Variants in UNK observed in about 807,000 individuals in gnomAD.
UNK encodes the protein unk zinc finger.
In UNK, 32 loss-of-function variants were observed where a neutral mutation model predicts 97.6. The observed-to-expected ratio is 0.33, with a 90% CI of 0.25 to 0.44. The LOEUF (loss-of-function observed/expected upper bound fraction) is 0.44. Ranked by LOEUF, UNK falls within the 20% of genes least tolerant of loss-of-function variation. The probability of loss-of-function intolerance (pLI) is 1.00; values close to 1 mark genes in which losing one functional copy is unlikely to be tolerated. For synonymous variants in UNK, 441 were observed against 461.2 expected, an observed-to-expected ratio of 0.96 and a Z score of 0.56; for missense variants, 771 against 1,098.4, an observed-to-expected ratio of 0.70 and a Z score of 4.21.
chr17:75,801,794 C>A (rs538157822), intron 1 of UNK, among the ~76,000 whole-genome samples: 6 of 151,324 alleles, frequency 4.0e-5, no homozygotes, highest in Non-Finnish European at 7.4e-5. Context: ...CCACCCGTCT[C>A]AGCCTCGCAA....
chr17:75,824,123 C>T lies in UNK; in HGVS notation c.2278-139C>T. ...CTCAGCCTGCTCTCTCACCTGCCAACAGGGGTCTGGGAGCACACTGTTGAG... is the reference window on the plus strand; with the variant it reads ...CTCAGCCTGCTCTCTCACCTGCCAATAGGGGTCTGGGAGCACACTGTTGAG... On this transcript the variant is annotated intron_variant, in intron 15 of 15. Transcript: ENST00000589666. The surrounding 1 kb of genome is among the most constrained non-coding windows in gnomAD (Gnocchi z 4.9). 2 of 1,078,142 alleles carry T rather than the reference C, an allele frequency of 1.9e-6. No homozygotes were observed. Among genetic ancestry groups the T allele is most frequent in the East Asian group, 6.4e-5 (2 of 31,242 alleles). The allele number at this position is 1,078,142 out of a possible 1,614,324, so 66.8% of individuals were successfully genotyped here. A position where few individuals can be genotyped will look rare whatever the true frequency, so the allele number is the denominator to read the frequency against.
chr17:75,820,732 CTT>C (rs369212029), intron 13 of UNK, among the ~76,000 whole-genome samples: 149 of 152,288 alleles, frequency 9.8e-4, no homozygotes, highest in African/African-American at 2.4e-3. Flanking sequence ...TGCATCTCCT[CTT>C]GTGTGTGTCA....
At chr17:75,790,394 G>A (rs1405407960) in intron 1 of UNK, among the ~76,000 whole-genome samples, 1 of 152,140 alleles carries the variant, frequency 6.6e-6, no homozygotes, top group African/African-American at 2.4e-5. Context: ...TCGTTGGGAA[G>A]CTGAGGCAGG....
Position 75,819,743 on chromosome 17 carries a change from T to G in UNK, c.1606T>G (p.Phe536Val), listed in dbSNP as rs750686560. The change falls in exon 12 of 16, where the codon TTC becomes GTC. Residue 536 changes from phenylalanine (F) to valine (V), a missense_variant. Phe to Val is a conservative substitution (Grantham distance 50). Transcript: ENST00000589666. This position sits in a 1 kb window ranked among gnomAD's most constrained non-coding sequence, Gnocchi z 5.4. ...TGGCGTGGCCGCCCTGGAGAAGACT[T>G]TCGATAACAGCACAGTGCCCCACCC... is the stretch of plus-strand genomic sequence containing the variant. ...EFGVAALEKTFDNSTVPHPGS... is the reference protein window; with the variant it reads ...EFGVAALEKTVDNSTVPHPGS... The G allele has an allele frequency of 6.2e-7, 1 of 1,613,864 alleles. No individual in the cohort carries two copies. Among genetic ancestry groups the G allele is most frequent in the South Asian group, 1.1e-5 (1 of 91,090 alleles).
intron 1 of UNK, among the ~76,000 whole-genome samples, chr17:75,808,749 C>T (rs148798550): frequency 4.0e-4 from 61 of 152,170 alleles, no homozygotes; most frequent in African/African-American, 1.3e-3. Context: ...TTTTTAGGCT[C>T]GAGAGACTAA....
In UNK at chr17:75,784,955, G is replaced by A; in HGVS notation, c.75G>A (p.Gln25=). ...APPAATAQVL[Q]AQPEKPQHYT... ...CGGCCGCTACCGCTCAGGTGCTGCA[G>A]GCACAGCCCGAGAAACCGCAGCACT... The change falls in exon 1 of 16, where the codon CAG becomes CAA. Residue 25 remains glutamine (Q), a synonymous_variant. Coordinates refer to ENST00000589666, the MANE Select transcript of UNK (RefSeq NM_001080419.3). 1 of 1,532,948 alleles carries A rather than the reference G, an allele frequency of 6.5e-7. No homozygotes were observed. The highest frequency in any genetic ancestry group is 8.7e-7 in the Non-Finnish European group (1 of 1,143,262). The allele number at this position is 1,532,948 out of a possible 1,614,324, so 95.0% of individuals were successfully genotyped here.
chr17:75,808,084 T>C (rs59463743), intron 1 of UNK, among the ~76,000 whole-genome samples: 1 of 152,328 alleles, frequency 6.6e-6, no homozygotes, highest in African/African-American at 2.4e-5. Context: ...GGAAAGTTCC[T>C]TCTCTCCCAT....
rs749827672 is a variant in UNK, at chr17:75,809,949, C to T, written c.294C>T (p.Gly98=). ...GCACCAAGTACGACGAGGCTACAGGCCTCTGCCCGGAGGGCGACGAGTGAG... is the reference window on the plus strand; with the variant it reads ...GCACCAAGTACGACGAGGCTACAGGTCTCTGCCCGGAGGGCGACGAGTGAG... ...VYCTKYDEAT[G]LCPEGDECPF... is the part of the protein sequence containing the mutation. The change falls in exon 2 of 16, where the codon GGC becomes GGT. Residue 98 remains glycine (G), a synonymous_variant. Coordinates refer to ENST00000589666, the MANE Select transcript of UNK (RefSeq NM_001080419.3). 3.6e-5 allele frequency: 58 copies of T among 1,613,514 alleles called. No individual in the cohort carries two copies. The highest frequency in any genetic ancestry group is 4.8e-5 in the Non-Finnish European group (57 of 1,179,910).
At chr17:75,822,024 C>T (rs1417218777) in intron 13 of UNK, among the ~76,000 whole-genome samples, 1 of 152,242 alleles carries the variant, frequency 6.6e-6, no homozygotes. Flanking sequence ...CCCAGCTCTG[C>T]CATCCGATGA....
intron 1 of UNK, among the ~76,000 whole-genome samples, chr17:75,788,964 A>G (rs538722331): frequency 6.6e-6 from 1 of 152,380 alleles, no homozygotes; most frequent in African/African-American, 2.4e-5. Context: ...AGTTGAATAC[A>G]CTAAAAGCAA....
chr17:75,798,001 C>T (rs968910855), intron 1 of UNK, among the ~76,000 whole-genome samples: 3 of 150,888 alleles, frequency 2.0e-5, no homozygotes, highest in Non-Finnish European at 4.4e-5. Flanking sequence ...AGATTATAAA[C>T]AAACAAAACA....
At chr17:75,821,914 A>G (rs1004078521) in intron 13 of UNK, 1 of 343,040 alleles carries the variant, frequency 2.9e-6, no homozygotes, top group African/African-American at 2.2e-5. Context: ...TCCTGGCCCT[A>G]CCACTTACAA....
chr17:75,817,403 A>G lies in UNK; in HGVS notation c.1182A>G (p.Pro394=), dbSNP rs372747953. ...CACCGGGCTCCATCAGGAAGCCCCC[A>G]AACCTGGAGGGCATCGTCTTCCCTG... ...GSPPGSIRKP[P]NLEGIVFPGE... is the part of the protein sequence containing the mutation. The change falls in exon 9 of 16, where the codon CCA becomes CCG. Residue 394 remains proline (P), a synonymous_variant. Coordinates refer to ENST00000589666, the MANE Select transcript of UNK (RefSeq NM_001080419.3). This position sits in a 1 kb window ranked among gnomAD's most constrained non-coding sequence, Gnocchi z 5.8. 1.2e-6 allele frequency: 2 copies of G among 1,612,398 alleles called. No individual in the cohort carries two copies. Among genetic ancestry groups the G allele is most frequent in the African/African-American group, 2.7e-5 (2 of 74,900 alleles).
At chr17:75,821,682 C>T (rs2062069624) in intron 13 of UNK, 2 of 456,564 alleles carry the variant, frequency 4.4e-6, no homozygotes, top group African/African-American at 2.0e-5. Flanking sequence ...AGGAAGAAGT[C>T]ACCAGAAAGT....
intron 14 of UNK, among the ~76,000 whole-genome samples, 185 bp from the exon 15 acceptor site, chr17:75,823,078 GGA>G (rs1413973802): frequency 6.6e-6 from 1 of 152,178 alleles, no homozygotes; most frequent in Admixed American, 6.5e-5. Context: ...GCCACAGAGG[GGA>G]GAGTCTCCTG....
intron 1 of UNK, among the ~76,000 whole-genome samples, chr17:75,789,958 T>C (rs1396412329): frequency 1.3e-5 from 2 of 149,052 alleles, no homozygotes; most frequent in Non-Finnish European, 3.0e-5. Flanking sequence ...CTGGCCAACG[T>C]GGTAAAACCC....
In UNK at chr17:75,819,082, T is replaced by G; in HGVS notation, c.1546+266T>G. The G allele has an allele frequency of 2.5e-6, 1 of 406,408 alleles. No individual in the cohort carries two copies. Among genetic ancestry groups the G allele is most frequent in the Non-Finnish European group, 4.4e-6 (1 of 229,836 alleles). 25.2% of individuals were successfully genotyped at this position (406,408 alleles called of 1,614,324 possible). On this transcript the variant is annotated intron_variant, in intron 11 of 15. Coordinates refer to ENST00000589666, the MANE Select transcript of UNK (RefSeq NM_001080419.3). This position sits in a 1 kb window ranked among gnomAD's most constrained non-coding sequence, Gnocchi z 5.4. Reference sequence around the variant, plus strand: ...GAGTACAGTCTCACCCCAAGACGTGTTGTTCAGTCCCCACTCATCTCACTG... The same window carrying G: ...GAGTACAGTCTCACCCCAAGACGTGGTGTTCAGTCCCCACTCATCTCACTG...
intron 1 of UNK, among the ~76,000 whole-genome samples, chr17:75,803,073 C>T (rs1024061344): frequency 1.5e-4 from 9 of 58,272 alleles, no homozygotes; most frequent in Admixed American, 2.6e-4. Context: ...CCACCCTGGC[C>T]AACATGGTGA....
chr17:75,805,218 A>G (rs1486648576), intron 1 of UNK, among the ~76,000 whole-genome samples: 1 of 151,502 alleles, frequency 6.6e-6, no homozygotes, highest in Non-Finnish European at 1.5e-5. Context: ...GAGCCTTGGC[A>G]ACACAGTGAA....
Sources: allele counts gnomAD v4.1 joint callset (sites outside exome capture counted in the v4.1 genomes callset), GRCh38; gene constraint gnomAD v4.1.1; non-coding constraint Gnocchi (gnomAD v3.1); transcripts MANE v1.5; gene names NCBI Gene and HGNC (gene_info 2026-07-23, HGNC 2026-07-21).